The following LRRIQ1 variants were observed in gnomAD, a reference collection of about 807,000 sequenced individuals.
LRRIQ1 encodes the protein leucine rich repeats and IQ motif containing 1, also known as leucine-rich repeat- and IQ domain-containing protein 1.
In LRRIQ1, 210 loss-of-function variants were observed where a neutral mutation model predicts 211.9. The ratio of observed to expected loss-of-function variants is 0.99; its 90% CI spans 0.89 to 1.11. LRRIQ1 has a LOEUF of 1.11. LRRIQ1 is among the 50% of genes most tolerant of loss of function. The pLI is 0.00. For synonymous variants in LRRIQ1, 699 were observed against 650.1 expected, an observed-to-expected ratio of 1.08 and a Z score of -1.14; for missense variants, 2,136 against 1,939.5, an observed-to-expected ratio of 1.10 and a Z score of -1.90.
Position 85,057,194 on chromosome 12 carries a change from A to G in LRRIQ1, c.2391+10A>G. On this transcript the variant is annotated intron_variant, in intron 8 of 26. Coordinates refer to ENST00000393217, the MANE Select transcript of LRRIQ1 (RefSeq NM_001079910.2). Reference sequence around the variant, plus strand: ...GGATACTTTACAGCAGGTATTTCTAATTTTATAATAATTTTTCACATTTAA... The same window carrying G: ...GGATACTTTACAGCAGGTATTTCTAGTTTTATAATAATTTTTCACATTTAA... 3 of 1,372,550 alleles carry G rather than the reference A, an allele frequency of 2.2e-6. No homozygotes were observed. Among genetic ancestry groups the G allele is most frequent in the Admixed American group, 2.7e-5 (1 of 37,016 alleles). The allele number at this position is 1,372,550 out of a possible 1,614,324, so 85.0% of individuals were successfully genotyped here.
intron 10 of LRRIQ1, among the ~76,000 whole-genome samples, chr12:85,072,696 G>A (rs910939364): frequency 6.6e-6 from 1 of 151,120 alleles, no homozygotes; most frequent in South Asian, 2.1e-4. Flanking sequence ...TACCTTGTCC[G>A]ATATGGTTTA....
At chr12:85,236,833 A>ATATATATATATC (rs981493745) in intron 26 of LRRIQ1, among the ~76,000 whole-genome samples, 6 of 129,376 alleles carry the variant, frequency 4.6e-5, no homozygotes, top group Admixed American at 2.9e-4. Flanking sequence ...ATGTGTGCAT[A>ATATATATATATC]TATATATATA....
At chr12:85,047,777 A>C (rs1879807246) in intron 6 of LRRIQ1, 1 of 230,780 alleles carries the variant, frequency 4.3e-6, no homozygotes, top group Non-Finnish European at 8.5e-6. Context: ...TATGCTTCTA[A>C]ACATTGGAAA....
intron 24 of LRRIQ1, among the ~76,000 whole-genome samples, chr12:85,209,052 C>T (rs10082927): frequency 6.6e-6 from 1 of 152,020 alleles, no homozygotes; most frequent in Admixed American, 6.6e-5. Context: ...AAAAAGGGAC[C>T]AGTCTAAGAT....
intron 25 of LRRIQ1, among the ~76,000 whole-genome samples, chr12:85,231,471 GTATTT>G (rs753994113): frequency 6.6e-6 from 1 of 152,096 alleles, no homozygotes; most frequent in Non-Finnish European, 1.5e-5. Context: ...TAATAGGGTA[GTATTT>G]TATTCTGTTT....
chr12:85,084,374 T>A lies in LRRIQ1; in HGVS notation c.2887+11276T>A, dbSNP rs188807854. Among the ~76,000 whole-genome samples, 197 of 152,282 alleles carry A rather than the reference T, an allele frequency of 1.3e-3. 1 individual carries two copies. Among genetic ancestry groups the A allele is most frequent in the African/African-American group, 4.5e-3 (189 of 41,566 alleles). ...TTTTTGAAATGAACATTGTAATAAT[T>A]CAGCCAATGATGCCTACTTTTTCTA... On this transcript the variant is annotated intron_variant, in intron 11 of 26. Transcript: ENST00000393217.
At chr12:85,253,321 G>A (rs1218891175) in intron 1 of LRRIQ1, among the ~76,000 whole-genome samples, 2 of 152,042 alleles carry the variant, frequency 1.3e-5, no homozygotes, top group Non-Finnish European at 2.9e-5. Flanking sequence ...GTAAATTACA[G>A]TTTGAGTAAC....
At position 85,086,460 on chromosome 12, in the gene LRRIQ1, G is replaced by A. The variant is rs966041089; in HGVS notation, c.2888-11895G>A. On this transcript the variant is annotated intron_variant, in intron 11 of 26. Transcript: ENST00000393217. ...CCTGCTTTTGCCATGTGACATGCCT[G>A]CTCCCCTTTTGCCTTCTGCCATGAT... is the stretch of plus-strand genomic sequence containing the variant. Among the ~76,000 whole-genome samples the A allele has an allele frequency of 9.2e-5, 14 of 152,168 alleles. No individual in the cohort carries two copies. In the East Asian group the frequency reaches 2.7e-3, roughly 30 times the overall value.
At chr12:85,168,353 A>T (rs1291988643) in intron 24 of LRRIQ1, among the ~76,000 whole-genome samples, 1 of 152,138 alleles carries the variant, frequency 6.6e-6, no homozygotes, top group Non-Finnish European at 1.5e-5. Flanking sequence ...ATGAAGTAGT[A>T]GACTTCATCT....
At chr12:85,150,760 CCT>C (rs1431958520) in intron 19 of LRRIQ1, among the ~76,000 whole-genome samples, 3 of 144,348 alleles carry the variant, frequency 2.1e-5, no homozygotes, top group Non-Finnish European at 3.0e-5. Flanking sequence ...TCTCTCTCTG[CCT>C]CTCTCTTTTT....
At chr12:85,128,290 C>T (rs1434939363) in intron 18 of LRRIQ1, among the ~76,000 whole-genome samples, 1 of 152,136 alleles carries the variant, frequency 6.6e-6, no homozygotes, top group Non-Finnish European at 1.5e-5. Context: ...AGCTGGACCA[C>T]ACAACCATAT....
intron 24 of LRRIQ1, among the ~76,000 whole-genome samples, chr12:85,210,226 G>A (rs1487802159): frequency 6.6e-6 from 1 of 152,084 alleles, no homozygotes; most frequent in African/African-American, 2.4e-5. Flanking sequence ...AAAAACCACA[G>A]TATTCTATAA....
intron 15 of LRRIQ1, among the ~76,000 whole-genome samples, chr12:85,119,653 T>C (rs1380049988): frequency 6.6e-6 from 1 of 152,218 alleles, no homozygotes; most frequent in African/African-American, 2.4e-5. Flanking sequence ...TCTCTTGCTC[T>C]ATATCTTCAC....
Position 85,121,697 on chromosome 12 carries a change from G to T in LRRIQ1, c.3378G>T (p.Arg1126Ser). The T allele has an allele frequency of 6.4e-7, 1 of 1,561,126 alleles. No individual in the cohort carries two copies. Among genetic ancestry groups the T allele is most frequent in the Non-Finnish European group, 8.7e-7 (1 of 1,155,912 alleles). The change falls in exon 16 of 27, where the codon AGG becomes AGT. Residue 1126 changes from arginine (R) to serine (S), a missense_variant and splice_region_variant. Arg to Ser is a moderately radical substitution (Grantham distance 110). Transcript: ENST00000393217. ...TTAACTTTTTTGTTGTTTTCAATAG[G>T]GATTCTCTACTTAAAGTGTTGCCTG... Reference protein sequence around the residue: ...GNPLLQETNWRDSLLKVLPAL... With the variant: ...GNPLLQETNWSDSLLKVLPAL...
chr12:85,180,142 T>G (rs911886247), intron 24 of LRRIQ1, among the ~76,000 whole-genome samples: 1 of 151,954 alleles, frequency 6.6e-6, no homozygotes, highest in Non-Finnish European at 1.5e-5. Flanking sequence ...AGTTTCCCTG[T>G]CTCAACCACC....
At chr12:85,102,987 T>TATATATATATATATATATATA (rs1592801233) in intron 13 of LRRIQ1, among the ~76,000 whole-genome samples, 2 of 142,430 alleles carry the variant, frequency 1.4e-5, no homozygotes, top group South Asian at 2.2e-4. Context: ...TATATATATA[T>TATATATATATATATATATATA]TTTACTAAGG....
intron 24 of LRRIQ1, chr12:85,162,830 T>A (rs1299691861): frequency 2.2e-6 from 1 of 455,650 alleles, no homozygotes; most frequent in Non-Finnish European, 4.4e-6. Flanking sequence ...TTAATTTCAC[T>A]GAATGAGTTT....
chr12:85,044,063 A>G (rs1879234796), intron 3 of LRRIQ1, among the ~76,000 whole-genome samples: 1 of 152,128 alleles, frequency 6.6e-6, no homozygotes, highest in African/African-American at 2.4e-5. Context: ...CCAGAAAGGT[A>G]GTGAATAGGT....
rs986023555 is a variant in LRRIQ1, at chr12:85,127,783, A to T, written c.4008-49A>T. Reference sequence around the variant, plus strand: ...GAGGACCTTTTATCTACAACTCTGTATTTACAGATAATAAAAAAAGTGTGT... The same window carrying T: ...GAGGACCTTTTATCTACAACTCTGTTTTTACAGATAATAAAAAAAGTGTGT... On this transcript the variant is annotated intron_variant, in intron 17 of 26. Transcript: ENST00000393217. The T allele has an allele frequency of 1.4e-5, 21 of 1,521,514 alleles. No individual in the cohort carries two copies. The Admixed American group carries it at 1.9e-4, about 14-fold the overall frequency. The allele number at this position is 1,521,514 out of a possible 1,614,324, so 94.3% of individuals were successfully genotyped here.
Sources: gnomAD v4.1 joint callset for allele counts (sites outside exome capture counted in the v4.1 genomes callset) on GRCh38, gnomAD v4.1.1 for gene constraint, MANE v1.5 for transcripts, NCBI Gene and HGNC (gene_info 2026-07-23, HGNC 2026-07-21) for gene names.